The following GNAI3 variants were observed in gnomAD, a reference collection of about 807,000 sequenced individuals.
GNAI3 encodes the protein G protein subunit alpha i3, also known as guanine nucleotide-binding protein G(i) subunit alpha-3.
A neutral mutation model predicts 41.8 loss-of-function variants in GNAI3; 12 were observed. The observed-to-expected ratio is 0.29, with a 90% confidence interval of 0.18 to 0.47. The LOEUF is 0.47. GNAI3 is among the 20% of genes least tolerant of loss of function. The pLI, the probability that GNAI3 is intolerant of heterozygous loss-of-function variation, is 1.00. For missense variants in GNAI3, 360 were observed against 429.6 expected, an observed-to-expected ratio of 0.84 and a Z score of 1.43; for synonymous variants, 132 against 146.5, an observed-to-expected ratio of 0.90 and a Z score of 0.71.
chr1:109,596,806 T>A lies in GNAI3; in HGVS notation c.*4484T>A, dbSNP rs1557915365. Reference sequence around the variant, plus strand: ...AGCAGATTCTTTGGCTAAACCCTAGTAAATTAAAATGTCTGAGCCAGGTCA... The same window carrying A: ...AGCAGATTCTTTGGCTAAACCCTAGAAAATTAAAATGTCTGAGCCAGGTCA... On this transcript the variant is annotated 3_prime_UTR_variant, in exon 9 of 9. Coordinates refer to ENST00000369851, the MANE Select transcript of GNAI3 (RefSeq NM_006496.4). 6.6e-6 allele frequency: 1 copy of A among 152,212 alleles called. No individual in the cohort carries two copies. The highest frequency in any genetic ancestry group is 6.5e-5 in the Admixed American group (1 of 15,282). 9.4% of individuals were successfully genotyped at this position (152,212 alleles called of 1,614,324 possible). A position where few individuals can be genotyped will look rare whatever the true frequency, so the allele number is the denominator to read the frequency against.
intron 7 of GNAI3, 30 bp downstream of exon 7, chr1:109,586,912 G>A: frequency 6.8e-7 from 1 of 1,475,658 alleles, no homozygotes; most frequent in South Asian, 1.2e-5. Context: ...TTTATTGGAG[G>A]TACACATCTT....
chr1:109,562,835 T>C (rs868260188), intron 1 of GNAI3, among the ~76,000 whole-genome samples: 10 of 152,196 alleles, frequency 6.6e-5, no homozygotes, highest in South Asian at 2.1e-4. Context: ...TTTTGGGATA[T>C]AGGTGCTTTG....
At chr1:109,583,805 A>T (rs1648957933) in intron 5 of GNAI3, among the ~76,000 whole-genome samples, 2 of 142,294 alleles carry the variant, frequency 1.4e-5, no homozygotes, top group East Asian at 2.1e-4. Flanking sequence ...GTTAGCCAGG[A>T]TGGTCTCTAT....
chr1:109,554,430 T>G (rs1648089963), intron 1 of GNAI3, among the ~76,000 whole-genome samples: 1 of 152,004 alleles, frequency 6.6e-6, no homozygotes, highest in Non-Finnish European at 1.5e-5. Context: ...AGGAGTAAGG[T>G]GGTATCACAT....
chr1:109,580,365 T>G (rs1648861819), intron 4 of GNAI3, among the ~76,000 whole-genome samples: 1 of 152,194 alleles, frequency 6.6e-6, no homozygotes, highest in South Asian at 2.1e-4. Flanking sequence ...TATTTCTCTC[T>G]GTACTGGATG....
chr1:109,586,563 A>C (rs1202373131), intron 6 of GNAI3, among the ~76,000 whole-genome samples, 166 bp from the exon 7 acceptor site: 1 of 152,180 alleles, frequency 6.6e-6, no homozygotes, highest in Non-Finnish European at 1.5e-5. Flanking sequence ...CCTCTCCCCC[A>C]AAAATTACAA....
In GNAI3 at chr1:109,582,556, TA is replaced by T; in HGVS notation, c.582del (p.Tyr195ThrfsTer7). ...GAAACACATTTCACCTTCAAAGACC[TA>T]TACTTCAAGTAAGTCATTAGCCTTT... ...IVETHFTFKD[L>X]YFKMFDVGGQ... On this transcript the variant is annotated frameshift_variant, in exon 5 of 9. Transcript: ENST00000369851. LOFTEE classifies it high-confidence loss of function. 1 of 1,606,830 alleles carries T rather than the reference TA, an allele frequency of 6.2e-7. No individual in the cohort carries two copies. Among genetic ancestry groups the T allele is most frequent in the Non-Finnish European group, 8.5e-7 (1 of 1,173,434 alleles).
In GNAI3 at chr1:109,548,834, A is replaced by G. The variant is rs375050746; in HGVS notation, c.114A>G (p.Leu38=). The G allele has an allele frequency of 8.8e-5, 140 of 1,592,112 alleles. No individual in the cohort carries two copies. The highest frequency in any genetic ancestry group is 1.2e-4 in the Non-Finnish European group (139 of 1,161,970). Residue 38 remains leucine, a synonymous_variant, in exon 1 of 9, where the codon CTA becomes CTG. Transcript: ENST00000369851. ...EKAAKEVKLL[L]LGAGESGKST... ...CGGCCAAAGAAGTGAAGCTGCTGCT[A>G]CTCGGTGAGGGGCTGGAGGCGGGGA...
At chr1:109,551,634 T>A (rs1363546096) in intron 1 of GNAI3, among the ~76,000 whole-genome samples, 1 of 152,200 alleles carries the variant, frequency 6.6e-6, no homozygotes, top group Non-Finnish European at 1.5e-5. Context: ...GAGCTACTCC[T>A]AGGATTGCTG....
chr1:109,587,512 C>T (rs527735533), intron 7 of GNAI3, among the ~76,000 whole-genome samples: 32 of 151,852 alleles, frequency 2.1e-4, no homozygotes, highest in East Asian at 9.7e-4. Flanking sequence ...ATCAGGCAGA[C>T]GGGAATAAAA....
rs965147891 is a variant in GNAI3, at chr1:109,599,535, A to G, written c.*7213A>G. 1 of 152,232 alleles carries G rather than the reference A, an allele frequency of 6.6e-6. No individual in the cohort carries two copies. The highest frequency in any genetic ancestry group is 1.5e-5 in the Non-Finnish European group (1 of 68,048). The allele number at this position is 152,232 out of a possible 1,614,324, so 9.4% of individuals were successfully genotyped here. ...ATCATATTGTATTTTTGTCTAAAAA[A>G]GGAAAACTATCAGATTTATGTGAAA... On this transcript the variant is annotated 3_prime_UTR_variant, in exon 9 of 9. Transcript: ENST00000369851.
chr1:109,550,284 A>G (rs1018159000), intron 1 of GNAI3, among the ~76,000 whole-genome samples: 1 of 152,152 alleles, frequency 6.6e-6, no homozygotes, highest in Non-Finnish European at 1.5e-5. Context: ...TTTTTTGAAT[A>G]TACTATAAAG....
intron 4 of GNAI3, among the ~76,000 whole-genome samples, chr1:109,579,644 G>T (rs1290830385): frequency 6.6e-6 from 1 of 152,156 alleles, no homozygotes; most frequent in Non-Finnish European, 1.5e-5. Context: ...ATCTGTTGTG[G>T]CTGGGTTCTG....
At chr1:109,557,889 C>T (rs1017203425) in intron 1 of GNAI3, among the ~76,000 whole-genome samples, 1 of 152,070 alleles carries the variant, frequency 6.6e-6, no homozygotes, top group African/African-American at 2.4e-5. Context: ...CTTTCAAGGA[C>T]TGGAGTAGGT....
At chr1:109,580,151 G>A (rs915385347) in intron 4 of GNAI3, among the ~76,000 whole-genome samples, 4 of 152,044 alleles carry the variant, frequency 2.6e-5, no homozygotes, top group South Asian at 2.1e-4. Flanking sequence ...ACAGGCGCCC[G>A]CCACCATGCC....
intron 1 of GNAI3, among the ~76,000 whole-genome samples, chr1:109,554,864 C>A (rs956261570): frequency 3.9e-5 from 6 of 152,008 alleles, no homozygotes; most frequent in Non-Finnish European, 8.8e-5. Flanking sequence ...GTCAGTAGCC[C>A]TATACACCAA....
chr1:109,552,891 A>C (rs1008568350), intron 1 of GNAI3, among the ~76,000 whole-genome samples: 1 of 152,200 alleles, frequency 6.6e-6, no homozygotes, highest in African/African-American at 2.4e-5. Flanking sequence ...CACAAAACTG[A>C]ATTTAAGTTC....
At chr1:109,566,905 A>G (rs1648471368) in intron 1 of GNAI3, among the ~76,000 whole-genome samples, 1 of 152,210 alleles carries the variant, frequency 6.6e-6, no homozygotes. Flanking sequence ...TTAGAGTTAC[A>G]TACTTATACC....
chr1:109,583,337 G>A (rs1196294421), intron 5 of GNAI3, among the ~76,000 whole-genome samples: 1 of 152,082 alleles, frequency 6.6e-6, no homozygotes, highest in Non-Finnish European at 1.5e-5. Flanking sequence ...AGCCTTCCAA[G>A]TAGCTGGGAC....
Sources: gnomAD v4.1 joint callset for allele counts (sites outside exome capture counted in the v4.1 genomes callset) on GRCh38, gnomAD v4.1.1 for gene constraint, MANE v1.5 for transcripts, NCBI Gene and HGNC (gene_info 2026-07-23, HGNC 2026-07-21) for gene names.